HTR2C: variants seen among roughly 807,000 people sequenced by gnomAD.
The protein encoded by HTR2C is 5-hydroxytryptamine receptor 2C, also known as 5-hydroxytryptamine (serotonin) receptor 2C, G protein-coupled.
HTR2C carries 5 observed loss-of-function variants against 21.0 expected under a neutral mutation model. That is an observed-to-expected ratio of 0.24 (90% CI 0.12 to 0.50). The LOEUF (loss-of-function observed/expected upper bound fraction) is 0.50. HTR2C is among the 20% of genes least tolerant of loss of function. The pLI, the probability that HTR2C is intolerant of heterozygous loss-of-function variation, is 0.98. For missense variants in HTR2C, 271 were observed against 371.2 expected, an observed-to-expected ratio of 0.73 and a Z score of 2.22; for synonymous variants, 150 against 145.3, an observed-to-expected ratio of 1.03 and a Z score of -0.23.
intron 5 of HTR2C, among the ~76,000 whole-genome samples, chrX:114,888,276 C>T (rs782453975): frequency 8.1e-5 from 9 of 111,610 alleles, no homozygotes; most frequent in East Asian, 5.7e-4. Context: ...AGGGCTAGGC[C>T]GTAGCCATAG....
intron 2 of HTR2C, among the ~76,000 whole-genome samples, chrX:114,703,377 A>G (rs1173915792): frequency 4.5e-5 from 5 of 111,300 alleles, no homozygotes; most frequent in Non-Finnish European, 9.4e-5. Flanking sequence ...ACCACAGTGC[A>G]ATCAAACCAG....
chrX:114,720,167 G>A (rs1933139884), intron 2 of HTR2C, among the ~76,000 whole-genome samples: 1 of 110,813 alleles, frequency 9.0e-6, no homozygotes, highest in African/African-American at 3.3e-5. Context: ...GTATTGGCCT[G>A]ACTAATGGTC....
intron 4 of HTR2C, among the ~76,000 whole-genome samples, chrX:114,758,553 C>A (rs1046092403): frequency 1.8e-5 from 2 of 111,321 alleles, no homozygotes; most frequent in Non-Finnish European, 3.8e-5. Flanking sequence ...AGAATGAGAA[C>A]CTGTCTCTAA....
intron 5 of HTR2C, among the ~76,000 whole-genome samples, chrX:114,889,784 A>T (rs1461877272): frequency 1.8e-5 from 2 of 111,507 alleles, no homozygotes; most frequent in Non-Finnish European, 3.8e-5. Flanking sequence ...TTTTAGGTGC[A>T]TGGCTTTCAG....
At chrX:114,616,948 A>C (rs1462747422) in intron 2 of HTR2C, among the ~76,000 whole-genome samples, 3 of 112,594 alleles carry the variant, frequency 2.7e-5, no homozygotes, top group Non-Finnish European at 5.6e-5. Flanking sequence ...TTGTCAAAAC[A>C]TGATTTATAA....
At chrX:114,859,516 T>C (rs1173848151) in intron 5 of HTR2C, among the ~76,000 whole-genome samples, 4 of 111,611 alleles carry the variant, frequency 3.6e-5, no homozygotes, top group Non-Finnish European at 7.5e-5. Flanking sequence ...TTACCATCCT[T>C]TTAATGTCTA....
chrX:114,713,495 C>T (rs1556419407), intron 2 of HTR2C, among the ~76,000 whole-genome samples: 5 of 110,897 alleles, frequency 4.5e-5, no homozygotes. Flanking sequence ...TATTATAGAA[C>T]AAGTCTGTGT....
intron 4 of HTR2C, among the ~76,000 whole-genome samples, chrX:114,801,154 G>C (rs2070342239): frequency 9.0e-6 from 1 of 110,774 alleles, no homozygotes; most frequent in Admixed American, 9.7e-5. Flanking sequence ...TTTTCCTCTG[G>C]CTTTTCTATG....
At chrX:114,811,408 C>T (rs1408665455) in intron 4 of HTR2C, among the ~76,000 whole-genome samples, 1 of 110,961 alleles carries the variant, frequency 9.0e-6, no homozygotes, top group East Asian at 2.8e-4. Flanking sequence ...AAGAGATCTA[C>T]ATACTCCAAT....
At chrX:114,736,693 C>T (rs187943742) in intron 4 of HTR2C, among the ~76,000 whole-genome samples, 72 of 111,875 alleles carry the variant, frequency 6.4e-4, no homozygotes, top group Non-Finnish European at 4.1e-4. Flanking sequence ...GAACTTTACA[C>T]TCTTATCGTA....
At chrX:114,905,887 A>T (rs185436802) in intron 5 of HTR2C, among the ~76,000 whole-genome samples, 1 of 111,433 alleles carries the variant, frequency 9.0e-6, no homozygotes, top group African/African-American at 3.3e-5. Flanking sequence ...TATTCTTAAA[A>T]CAAAAATGCT....
Position 114,896,099 on chromosome X carries a change from CT to C in HTR2C, c.551-10484del, listed in dbSNP as rs781871771. Among the ~76,000 whole-genome samples the C allele has an allele frequency of 3.3e-4, 37 of 110,638 alleles. No individual in the cohort carries two copies. The East Asian group carries it at 9.4e-3, about 28-fold the overall frequency. On this transcript the variant is annotated intron_variant, in intron 5 of 5. Coordinates refer to ENST00000276198, the MANE Select transcript of HTR2C (RefSeq NM_000868.4). ...GTTTTTCCAATTTTTCTTGTGATTTCTTTTTTGGCACATGAGCTATTTAGAT... is the reference window on the plus strand; with the variant it reads ...GTTTTTCCAATTTTTCTTGTGATTTCTTTTTGGCACATGAGCTATTTAGAT...
intron 4 of HTR2C, among the ~76,000 whole-genome samples, chrX:114,828,764 T>A (rs1264761865): frequency 9.0e-6 from 1 of 111,625 alleles, no homozygotes; most frequent in Non-Finnish European, 1.9e-5. Context: ...AAAACACTAG[T>A]CTCCTATCTG....
chrX:114,889,499 T>C (rs1409307355), intron 5 of HTR2C, among the ~76,000 whole-genome samples: 1 of 112,302 alleles, frequency 8.9e-6, no homozygotes, highest in Non-Finnish European at 1.9e-5. Flanking sequence ...TTTTAGATTA[T>C]GAAGAATCAT....
chrX:114,701,169 G>C (rs1486150419), intron 2 of HTR2C, among the ~76,000 whole-genome samples: 1 of 112,214 alleles, frequency 8.9e-6, no homozygotes, highest in East Asian at 2.8e-4. Flanking sequence ...AACCTCTGCA[G>C]ACTTAAATGT....
intron 1 of HTR2C, among the ~76,000 whole-genome samples, chrX:114,606,609 G>C (rs113353943): frequency 4.5e-5 from 5 of 111,740 alleles, no homozygotes; most frequent in African/African-American, 1.6e-4. Context: ...TGGACAGTGA[G>C]AGAGGTTGGA....
intron 2 of HTR2C, among the ~76,000 whole-genome samples, chrX:114,641,225 C>T (rs1328533849): frequency 1.8e-5 from 2 of 110,185 alleles, no homozygotes; most frequent in Non-Finnish European, 3.8e-5. Flanking sequence ...AATGTTTATT[C>T]GTAGTAGATT....
rs782691173 is a variant in HTR2C, at chrX:114,786,544, TTAAG to T, written c.349+54939_349+54942del. On this transcript the variant is annotated intron_variant, in intron 4 of 5. Coordinates refer to ENST00000276198, the MANE Select transcript of HTR2C (RefSeq NM_000868.4). Reference sequence around the variant, plus strand: ...AAATGTTTACCCCAAATCACAATAATTAAGTGACAGAGGTAACCACTTAATTGTG... The same window carrying T: ...AAATGTTTACCCCAAATCACAATAATTGACAGAGGTAACCACTTAATTGTG... 1.0e-3 allele frequency among the ~76,000 whole-genome samples: 116 copies of T among 111,845 alleles called. 2 individuals carry two copies. Among genetic ancestry groups the T allele is most frequent in the Non-Finnish European group, 1.6e-3 (87 of 53,217 alleles).
intron 4 of HTR2C, among the ~76,000 whole-genome samples, chrX:114,757,467 G>A (rs2069824866): frequency 9.0e-6 from 1 of 111,180 alleles, no homozygotes; most frequent in Non-Finnish European, 1.9e-5. Flanking sequence ...AACAAAAACA[G>A]GAGAACTCCA....
Sources: allele counts gnomAD v4.1 joint callset (sites outside exome capture counted in the v4.1 genomes callset), GRCh38; gene constraint gnomAD v4.1.1; transcripts MANE v1.5; gene names NCBI Gene and HGNC (gene_info 2026-07-23, HGNC 2026-07-21).